ZC3H12B: variants seen among roughly 807,000 people sequenced by gnomAD.
ZC3H12B encodes zinc finger CCCH-type containing 12B.
Under a neutral mutation model 43.9 loss-of-function variants are expected in ZC3H12B, and 7 were observed. That is an observed-to-expected ratio of 0.16 (90% CI 0.09 to 0.30). ZC3H12B has a LOEUF of 0.30. Among genes scored for constraint, ZC3H12B ranks in the 10% least tolerant of loss-of-function variants. The pLI, the probability that ZC3H12B is intolerant of heterozygous loss-of-function variation, is 1.00. For synonymous variants in ZC3H12B, 222 were observed against 241.7 expected, an observed-to-expected ratio of 0.92 and a Z score of 0.76; for missense variants, 475 against 670.2, an observed-to-expected ratio of 0.71 and a Z score of 3.22.
the ZC3H12B span, among the ~76,000 whole-genome samples, chrX:65,356,564 A>T: frequency 8.9e-6 from 1 of 112,117 alleles, no homozygotes; most frequent in South Asian, 3.7e-4. Flanking sequence ...TCCTTCATTG[A>T]CTGTATATAC....
At chrX:65,246,054 T>G in the ZC3H12B span, among the ~76,000 whole-genome samples, 1 of 111,934 alleles carries the variant, frequency 8.9e-6, no homozygotes, top group East Asian at 2.8e-4. Flanking sequence ...TGATAAAAAC[T>G]TTAGCAAAAT....
the ZC3H12B span, among the ~76,000 whole-genome samples, chrX:65,160,253 G>C: frequency 9.0e-6 from 1 of 111,730 alleles, no homozygotes; most frequent in Non-Finnish European, 1.9e-5. Context: ...CCCGGCTTTG[G>C]TATCAGGATG....
chrX:65,404,697 TAAGTA>T (rs2066801854), intron 3 of ZC3H12B, among the ~76,000 whole-genome samples: 1 of 111,665 alleles, frequency 9.0e-6, no homozygotes, highest in African/African-American at 3.2e-5. Context: ...AGCCCCTAGA[TAAGTA>T]AAGGAAACAT....
intron 3 of ZC3H12B, among the ~76,000 whole-genome samples, chrX:65,419,162 C>T (rs773163059): frequency 1.8e-5 from 2 of 111,786 alleles, no homozygotes; most frequent in East Asian, 5.6e-4. Context: ...TTGGAATAGA[C>T]ATACTCAGCA....
chrX:65,344,980 G>A, the ZC3H12B span, among the ~76,000 whole-genome samples: 14 of 112,133 alleles, frequency 1.2e-4, no homozygotes, highest in East Asian at 5.6e-4. Context: ...ATTAGAGAAT[G>A]CAAATCAAAA....
At chrX:65,495,222 T>A (rs181706977) in intron 1 of ZC3H12B, among the ~76,000 whole-genome samples, 2 of 112,645 alleles carry the variant, frequency 1.8e-5, no homozygotes, top group East Asian at 2.8e-4. Context: ...TTGAGTAGTA[T>A]AATTGTTTTG....
At chrX:65,304,615 CA>C in the ZC3H12B span, among the ~76,000 whole-genome samples, 18,834 of 69,653 alleles carry the variant, frequency 0.27, 5,579 homozygotes, top group African/African-American at 0.77. Context: ...CACTCCGTCT[CA>C]AAAAAAAAAA....
chrX:65,053,206 C>G, the ZC3H12B span, among the ~76,000 whole-genome samples: 1 of 110,535 alleles, frequency 9.0e-6, no homozygotes, highest in East Asian at 2.8e-4. Flanking sequence ...GTGCTGCACC[C>G]ATTAACTCGC....
the ZC3H12B span, among the ~76,000 whole-genome samples, chrX:65,116,320 T>TA: frequency 9.0e-6 from 1 of 111,360 alleles, no homozygotes; most frequent in Non-Finnish European, 1.9e-5. Context: ...TTCTTCACTT[T>TA]ACGTTTCTGT....
chrX:65,416,499 G>A (rs900790654), intron 3 of ZC3H12B, among the ~76,000 whole-genome samples: 2 of 110,523 alleles, frequency 1.8e-5, no homozygotes, highest in East Asian at 2.8e-4. Flanking sequence ...ATGCAAAATC[G>A]GGCCGGGTGC....
At chrX:65,300,085 A>G in the ZC3H12B span, among the ~76,000 whole-genome samples, 1 of 112,392 alleles carries the variant, frequency 8.9e-6, no homozygotes, top group African/African-American at 3.2e-5. Context: ...TTGGAGAAAG[A>G]GCACAGGGAG....
the ZC3H12B span, among the ~76,000 whole-genome samples, chrX:65,282,575 G>A: frequency 5.4e-5 from 6 of 111,088 alleles, no homozygotes; most frequent in African/African-American, 1.6e-4. Context: ...TTCGTAGACA[G>A]CAAGACTAAT....
the ZC3H12B span, among the ~76,000 whole-genome samples, chrX:65,166,141 A>C: frequency 9.0e-6 from 1 of 110,855 alleles, no homozygotes; most frequent in South Asian, 3.8e-4. Flanking sequence ...GGTGTGCTAC[A>C]CCCATTAACT....
At chrX:65,247,211 G>A in the ZC3H12B span, among the ~76,000 whole-genome samples, 1 of 112,248 alleles carries the variant, frequency 8.9e-6, no homozygotes. Flanking sequence ...TAATCAGAAT[G>A]ACTATTATTA....
the ZC3H12B span, among the ~76,000 whole-genome samples, chrX:65,081,116 T>TA: frequency 2.9e-5 from 3 of 104,805 alleles, no homozygotes; most frequent in South Asian, 8.5e-4. Flanking sequence ...AACCTCAAAC[T>TA]AAAAAACATA....
chrX:65,089,107 C>T, the ZC3H12B span, among the ~76,000 whole-genome samples: 149 of 111,491 alleles, frequency 1.3e-3, no homozygotes, highest in African/African-American at 4.7e-3. Flanking sequence ...ATCAGTTTTT[C>T]ATTGTTTATT....
At chrX:65,446,887 G>A in intron 3 of ZC3H12B, among the ~76,000 whole-genome samples, 1 of 112,095 alleles carries the variant, frequency 8.9e-6, no homozygotes, top group Middle Eastern at 4.6e-3. Context: ...GTTTGGTGTT[G>A]CTGTGTTGTG....
At chrX:65,119,968 A>G in the ZC3H12B span, among the ~76,000 whole-genome samples, 1 of 111,277 alleles carries the variant, frequency 9.0e-6, no homozygotes, top group Non-Finnish European at 1.9e-5. Context: ...GATAAGTGGC[A>G]TTATTTCTGA....
the ZC3H12B span, among the ~76,000 whole-genome samples, chrX:65,120,742 T>A: frequency 6.3e-5 from 7 of 111,643 alleles, no homozygotes; most frequent in Non-Finnish European, 1.3e-4. Context: ...TCAAAGGGAA[T>A]GCTTCCAGTT....
Sources: allele counts gnomAD v4.1 joint callset (sites outside exome capture counted in the v4.1 genomes callset), GRCh38; gene constraint gnomAD v4.1.1; transcripts MANE v1.5; gene names NCBI Gene and HGNC (gene_info 2026-07-23, HGNC 2026-07-21).